The following ITGA9 variants were observed in gnomAD, a reference collection of about 807,000 sequenced individuals.
ITGA9 encodes the protein integrin alpha-9.
Under a neutral mutation model 127.8 loss-of-function variants are expected in ITGA9, and 56 were observed. The ratio of observed to expected loss-of-function variants is 0.44; its 90% CI spans 0.35 to 0.55. The LOEUF is 0.55. Among genes scored for constraint, ITGA9 ranks in the 20% least tolerant of loss-of-function variants. The pLI is 0.00. For missense variants in ITGA9, 1,196 were observed against 1,347.1 expected (o/e 0.89, Z 1.76); for synonymous variants, 508 against 514.5 (o/e 0.99, Z 0.17).
At chr3:37,671,046 C>T (rs1700633044) in intron 17 of ITGA9, among the ~76,000 whole-genome samples, 1 of 152,240 alleles carries the variant, frequency 6.6e-6, no homozygotes, top group African/African-American at 2.4e-5. Flanking sequence ...ATCGTAGCAG[C>T]GGGCCCTTGC....
intron 15 of ITGA9, among the ~76,000 whole-genome samples, chr3:37,623,765 A>G (rs1184742331): frequency 2.0e-5 from 3 of 151,826 alleles, no homozygotes; most frequent in East Asian, 1.9e-4. Context: ...AAGTTACTCT[A>G]TCATTACTGG....
chr3:37,577,861 G>C lies in ITGA9; in HGVS notation c.1689+35276G>C, dbSNP rs552912291. Among the ~76,000 whole-genome samples, 8 of 152,316 alleles carry C rather than the reference G, an allele frequency of 5.3e-5. No individual in the cohort carries two copies. In the South Asian group the frequency reaches 1.5e-3, roughly 28 times the overall value. ...ATGAGCGTCACTTGGAGTAGAAATA[G>C]AGCCCTTTATGATTCGTGTGCTGGT... On this transcript the variant is annotated intron_variant, in intron 15 of 27. Coordinates refer to ENST00000264741, the MANE Select transcript of ITGA9 (RefSeq NM_002207.3).
intron 16 of ITGA9, among the ~76,000 whole-genome samples, chr3:37,642,356 T>C (rs1700341862): frequency 6.6e-6 from 1 of 152,344 alleles, no homozygotes; most frequent in Admixed American, 6.5e-5. Flanking sequence ...AGGGATCTAT[T>C]TTATCTTATT....
chr3:37,613,300 T>A (rs915186425), intron 15 of ITGA9, among the ~76,000 whole-genome samples: 2 of 152,238 alleles, frequency 1.3e-5, no homozygotes, highest in African/African-American at 2.4e-5. Flanking sequence ...AAGTCATCAT[T>A]TTTTATGGCT....
intron 16 of ITGA9, among the ~76,000 whole-genome samples, chr3:37,630,909 G>A (rs997935104): frequency 3.9e-5 from 6 of 152,178 alleles, no homozygotes; most frequent in African/African-American, 9.6e-5. Flanking sequence ...GTGTGGAGAA[G>A]GCTAGAGAAG....
At chr3:37,701,790 A>C (rs62241492) in intron 18 of ITGA9, among the ~76,000 whole-genome samples, 20 of 152,158 alleles carry the variant, frequency 1.3e-4, no homozygotes, top group Non-Finnish European at 2.4e-4. Context: ...ACTCAGCCAC[A>C]CTTCTCTTTT....
intron 18 of ITGA9, among the ~76,000 whole-genome samples, chr3:37,732,389 C>A (rs2125528389): frequency 1.3e-5 from 2 of 152,222 alleles, no homozygotes; most frequent in South Asian, 4.2e-4. Flanking sequence ...AAGAAGATGA[C>A]AGGGTTGCCT....
intron 27 of ITGA9, among the ~76,000 whole-genome samples, chr3:37,815,046 G>A (rs1321380619): frequency 6.6e-6 from 1 of 152,178 alleles, no homozygotes; most frequent in East Asian, 1.9e-4. Context: ...AGGGGTGGGT[G>A]GGGGTGATTT....
intron 3 of ITGA9, among the ~76,000 whole-genome samples, chr3:37,476,286 G>A (rs1694899597): frequency 6.6e-6 from 1 of 151,786 alleles, no homozygotes; most frequent in Non-Finnish European, 1.5e-5. Context: ...AATGGCTGCA[G>A]CATTTTAAGT....
At chr3:37,809,859 T>C (rs1469481200) in intron 27 of ITGA9, among the ~76,000 whole-genome samples, 1 of 152,242 alleles carries the variant, frequency 6.6e-6, no homozygotes, top group Non-Finnish European at 1.5e-5. Context: ...TACGGTGCAG[T>C]AACCCAAAGA....
chr3:37,624,198 C>G (rs996681767), intron 15 of ITGA9, among the ~76,000 whole-genome samples: 1 of 94,584 alleles, frequency 1.1e-5, no homozygotes, highest in Non-Finnish European at 2.1e-5. Context: ...AGAAAAAAAA[C>G]CCTTTTTTTT....
chr3:37,613,667 G>A (rs1036608493), intron 15 of ITGA9, among the ~76,000 whole-genome samples: 3 of 152,228 alleles, frequency 2.0e-5, no homozygotes, highest in Non-Finnish European at 4.4e-5. Context: ...TAACTGGTGT[G>A]AGATGGTATC....
At chr3:37,469,525 C>G (rs1198806913) in intron 1 of ITGA9, among the ~76,000 whole-genome samples, 1 of 152,146 alleles carries the variant, frequency 6.6e-6, no homozygotes, top group East Asian at 1.9e-4. Flanking sequence ...TATAATGTCA[C>G]TGAGGTTGAA....
At chr3:37,455,499 T>C (rs1314548563) in intron 1 of ITGA9, among the ~76,000 whole-genome samples, 1 of 152,024 alleles carries the variant, frequency 6.6e-6, no homozygotes, top group Non-Finnish European at 1.5e-5. Context: ...TCTAGTGCAC[T>C]GAAAGAGTAT....
rs1246456984 is a variant in ITGA9, at chr3:37,786,062, C to T, written c.2889+984C>T. On this transcript the variant is annotated intron_variant, in intron 26 of 27. Transcript: ENST00000264741. ...GTTCATCCTGTATTTGATGCCCACACTCAGATCCCAGGGGAGTAGAGGAGG... is the reference window on the plus strand; with the variant it reads ...GTTCATCCTGTATTTGATGCCCACATTCAGATCCCAGGGGAGTAGAGGAGG... Among the ~76,000 whole-genome samples, 4 of 152,152 alleles carry T rather than the reference C, an allele frequency of 2.6e-5. No homozygotes were observed. The South Asian group carries it at 8.3e-4, about 32-fold the overall frequency.
intron 16 of ITGA9, among the ~76,000 whole-genome samples, chr3:37,638,000 G>A (rs1700297163): frequency 6.6e-6 from 1 of 152,138 alleles, no homozygotes; most frequent in Admixed American, 6.5e-5. Flanking sequence ...CAAGATGGCT[G>A]GGTGATTCTC....
At chr3:37,498,902 C>A (rs552261234) in intron 5 of ITGA9, among the ~76,000 whole-genome samples, 1 of 152,332 alleles carries the variant, frequency 6.6e-6, no homozygotes, top group African/African-American at 2.4e-5. Context: ...CAGGCCAGCG[C>A]GACTCCCCTC....
chr3:37,513,734 T>C, intron 8 of ITGA9, 29 bp from the exon 9 acceptor site: 1 of 1,613,974 alleles, frequency 6.2e-7, no homozygotes, highest in Non-Finnish European at 8.5e-7. Flanking sequence ...AGACACTGAA[T>C]GCTTTGTTGC....
chr3:37,535,001 C>A (rs887164619), intron 14 of ITGA9, among the ~76,000 whole-genome samples: 2 of 152,206 alleles, frequency 1.3e-5, no homozygotes, highest in Non-Finnish European at 2.9e-5. Context: ...CAGCTCATCA[C>A]GTAGTTGGAC....
Sources: gnomAD v4.1 joint callset for allele counts (sites outside exome capture counted in the v4.1 genomes callset) on GRCh38, gnomAD v4.1.1 for gene constraint, MANE v1.5 for transcripts, NCBI Gene and HGNC (gene_info 2026-07-23, HGNC 2026-07-21) for gene names.